CYP7B1: variants seen among roughly 807,000 people sequenced by gnomAD.
CYP7B1 encodes the protein cytochrome P450 7B1.
Under a neutral mutation model 42.7 loss-of-function variants are expected in CYP7B1, and 29 were observed. The ratio of observed to expected loss-of-function variants is 0.68; its 90% CI spans 0.51 to 0.93. The LOEUF (loss-of-function observed/expected upper bound fraction) is 0.93, where lower values mean the gene tolerates loss of function less well. CYP7B1 is among the 40% of genes least tolerant of loss of function. CYP7B1 has a pLI of 0.00. For synonymous variants in CYP7B1, 235 were observed against 218.2 expected, an observed-to-expected ratio of 1.08 and a Z score of -0.68; for missense variants, 655 against 600.5, an observed-to-expected ratio of 1.09 and a Z score of -0.95.
intron 1 of CYP7B1, among the ~76,000 whole-genome samples, chr8:64,764,834 G>GA (rs1352052536): frequency 4.6e-5 from 7 of 152,174 alleles, no homozygotes; most frequent in African/African-American, 1.7e-4. Context: ...TATTCTGTTA[G>GA]AAAAAGGTGA....
intron 1 of CYP7B1, among the ~76,000 whole-genome samples, chr8:64,636,158 C>G (rs1354149732): frequency 6.6e-6 from 1 of 152,150 alleles, no homozygotes; most frequent in Non-Finnish European, 1.5e-5. Flanking sequence ...TAGCAGGGTT[C>G]TAGGGTTCTA....
In CYP7B1 at chr8:64,592,260, T is replaced by A. The variant is rs1214540143; in HGVS notation, c.*4382A>T. On this transcript the variant is annotated 3_prime_UTR_variant, in exon 6 of 6. Coordinates refer to ENST00000310193, the MANE Select transcript of CYP7B1 (RefSeq NM_004820.5). ...AATTCTAAGCCTCAATGACTATATT[T>A]GGTTTTAATTATCATATTATCAAAA... Among the ~76,000 whole-genome samples the A allele has an allele frequency of 6.6e-6, 1 of 152,214 alleles. No homozygotes were observed. Among genetic ancestry groups the A allele is most frequent in the Non-Finnish European group, 1.5e-5 (1 of 68,038 alleles).
intron 1 of CYP7B1, among the ~76,000 whole-genome samples, chr8:64,624,948 ATTCTT>A (rs1805586699): frequency 1.3e-5 from 1 of 76,802 alleles, no homozygotes; most frequent in African/African-American, 8.0e-5. Flanking sequence ...CCATTATATC[ATTCTT>A]TTTTTTTTTT....
intron 4 of CYP7B1, among the ~76,000 whole-genome samples, chr8:64,612,746 T>G (rs4467968): frequency 0.57 from 87,015 of 151,952 alleles, 25,688 homozygotes; most frequent in Middle Eastern, 0.64. Context: ...CCTCTTATAA[T>G]GATAAAAGTT....
At position 64,694,349 on chromosome 8, in the gene CYP7B1, G is replaced by A. The variant is rs1000632961; in HGVS notation, c.123-69810C>T. Among the ~76,000 whole-genome samples, 11 of 152,244 alleles carry A rather than the reference G, an allele frequency of 7.2e-5. 1 individual carries two copies. The South Asian group carries it at 2.3e-3, about 32-fold the overall frequency. ...AACTCTGCTTTGTAATTTTAAATAT[G>A]GCTTTTTCTGTTTACCTCCACTCTA... is the stretch of plus-strand genomic sequence containing the variant. On this transcript the variant is annotated intron_variant, in intron 1 of 5. Transcript: ENST00000310193.
At position 64,604,833 on chromosome 8, in the gene CYP7B1, C is replaced by A; in HGVS notation, c.1082G>T (p.Arg361Leu). Residue 361 changes from arginine to leucine, a missense_variant, in exon 5 of 6, where the codon CGA becomes CTA. Coordinates refer to ENST00000310193, the MANE Select transcript of CYP7B1 (RefSeq NM_004820.5). ...CLESSIFEAL[R>L]LSSYSTTIRF... ...AATGGTGGTTGAATATGAGGACAGTCGTAAAGCTTCAAAAATGCTGCTTTC... is the reference window on the plus strand; with the variant it reads ...AATGGTGGTTGAATATGAGGACAGTAGTAAAGCTTCAAAAATGCTGCTTTC... 1 of 1,613,968 alleles carries A rather than the reference C, an allele frequency of 6.2e-7. No homozygotes were observed. Among genetic ancestry groups the A allele is most frequent in the Non-Finnish European group, 8.5e-7 (1 of 1,180,008 alleles).
intron 1 of CYP7B1, among the ~76,000 whole-genome samples, chr8:64,669,136 T>A (rs1456245702): frequency 6.6e-6 from 1 of 152,000 alleles, no homozygotes; most frequent in Non-Finnish European, 1.5e-5. Flanking sequence ...TTAAAAAAAA[T>A]GAAGATATCA....
chr8:64,617,669 C>T (rs1321289074), intron 2 of CYP7B1, among the ~76,000 whole-genome samples: 1 of 151,884 alleles, frequency 6.6e-6, no homozygotes, highest in Non-Finnish European at 1.5e-5. Context: ...TGTCATTATT[C>T]CTGTTTGTGT....
chr8:64,712,874 A>T (rs1807102313), intron 1 of CYP7B1, among the ~76,000 whole-genome samples: 1 of 152,020 alleles, frequency 6.6e-6, no homozygotes, highest in Non-Finnish European at 1.5e-5. Flanking sequence ...TTGTATGATT[A>T]TACTTTGGTT....
intron 1 of CYP7B1, among the ~76,000 whole-genome samples, chr8:64,656,612 C>T (rs902504810): frequency 5.3e-5 from 8 of 152,194 alleles, no homozygotes; most frequent in Admixed American, 3.9e-4. Flanking sequence ...ACCACCATAT[C>T]CCAAAGTACT....
Position 64,798,660 on chromosome 8 carries a change from T to C in CYP7B1, c.-73A>G. 1 of 1,410,098 alleles carries C rather than the reference T, an allele frequency of 7.1e-7. No individual in the cohort carries two copies. Among genetic ancestry groups the C allele is most frequent in the Non-Finnish European group, 9.2e-7 (1 of 1,088,790 alleles). The allele number at this position is 1,410,098 out of a possible 1,614,324, so 87.3% of individuals were successfully genotyped here. Reference sequence around the variant, plus strand: ...CAGCGCGGTCGGCGACTCTGCAGCCTGCGGCGGCTTCTCTCGGCGGCGCCC... The same window carrying C: ...CAGCGCGGTCGGCGACTCTGCAGCCCGCGGCGGCTTCTCTCGGCGGCGCCC... On this transcript the variant is annotated 5_prime_UTR_variant, in exon 1 of 6. Coordinates refer to ENST00000310193, the MANE Select transcript of CYP7B1 (RefSeq NM_004820.5).
At position 64,691,492 on chromosome 8, in the gene CYP7B1, G is replaced by GT. The variant is rs1554532302; in HGVS notation, c.123-66954_123-66953insA. 1.5e-4 allele frequency among the ~76,000 whole-genome samples: 22 copies of GT among 147,650 alleles called. 1 individual carries two copies. Among genetic ancestry groups the GT allele is most frequent in the African/African-American group, 4.5e-4 (18 of 40,248 alleles). On this transcript the variant is annotated intron_variant, in intron 1 of 5. Coordinates refer to ENST00000310193, the MANE Select transcript of CYP7B1 (RefSeq NM_004820.5). Reference sequence around the variant, plus strand: ...GGTTGCGATGGCAACTGGGGGGGGGGGGTGGTGGTTAAAGCTGGAATGTGG... The same window carrying GT: ...GGTTGCGATGGCAACTGGGGGGGGGGTGGTGGTGGTTAAAGCTGGAATGTGG...
chr8:64,714,232 T>C (rs1406228321), intron 1 of CYP7B1, among the ~76,000 whole-genome samples: 1 of 152,242 alleles, frequency 6.6e-6, no homozygotes, highest in African/African-American at 2.4e-5. Flanking sequence ...TCCATTTTTA[T>C]GCTAAACACT....
intron 1 of CYP7B1, among the ~76,000 whole-genome samples, chr8:64,788,977 G>A (rs1299021931): frequency 6.6e-6 from 1 of 152,206 alleles, no homozygotes; most frequent in Non-Finnish European, 1.5e-5. Flanking sequence ...CTGGAGTGCA[G>A]TGGTGTGATC....
intron 1 of CYP7B1, among the ~76,000 whole-genome samples, chr8:64,714,285 T>C (rs2129632726): frequency 6.6e-6 from 1 of 152,328 alleles, no homozygotes; most frequent in East Asian, 1.9e-4. Flanking sequence ...ATAAAGAATA[T>C]GAATTTACAC....
Position 64,798,631 on chromosome 8 carries a change from C to G in CYP7B1, c.-44G>C. On this transcript the variant is annotated 5_prime_UTR_variant, in exon 1 of 6. Coordinates refer to ENST00000310193, the MANE Select transcript of CYP7B1 (RefSeq NM_004820.5). ...CGGTGGGCAGCCCGGGGTCTGCCTGCGAACAGCGCGGTCGGCGACTCTGCA... is the reference window on the plus strand; with the variant it reads ...CGGTGGGCAGCCCGGGGTCTGCCTGGGAACAGCGCGGTCGGCGACTCTGCA... 6.9e-7 allele frequency: 1 copy of G among 1,443,482 alleles called. No individual in the cohort carries two copies. 89.4% of individuals were successfully genotyped at this position (1,443,482 alleles called of 1,614,324 possible).
chr8:64,600,422 T>C (rs1376037544), intron 5 of CYP7B1, among the ~76,000 whole-genome samples: 1 of 152,224 alleles, frequency 6.6e-6, no homozygotes, highest in Admixed American at 6.5e-5. Flanking sequence ...GGATCATGTC[T>C]TGAATCCACT....
At chr8:64,604,639 C>T (rs1202872203) in intron 5 of CYP7B1, 43 bp downstream of exon 5, 9 of 1,610,706 alleles carry the variant, frequency 5.6e-6, no homozygotes, top group Non-Finnish European at 6.8e-6. Flanking sequence ...AATGTGCCCA[C>T]AGGATCTAAG....
chr8:64,722,187 T>C (rs1161944466), intron 1 of CYP7B1, among the ~76,000 whole-genome samples: 1 of 152,168 alleles, frequency 6.6e-6, no homozygotes, highest in African/African-American at 2.4e-5. Flanking sequence ...GCAGCAAAAC[T>C]AGTTTATAAT....
Sources: gnomAD v4.1 joint callset for allele counts (sites outside exome capture counted in the v4.1 genomes callset) on GRCh38, gnomAD v4.1.1 for gene constraint, MANE v1.5 for transcripts, NCBI Gene and HGNC (gene_info 2026-07-23, HGNC 2026-07-21) for gene names.